Variants in RFFL observed in about 807,000 individuals in gnomAD.
RFFL encodes the protein ring finger and FYVE like domain containing E3 ubiquitin protein ligase, also known as E3 ubiquitin-protein ligase rififylin.
In RFFL, 16 loss-of-function variants were observed where a neutral mutation model predicts 40.4. The observed-to-expected ratio is 0.40, with a 90% CI of 0.27 to 0.60. RFFL has a LOEUF of 0.60. Among genes scored for constraint, RFFL ranks in the 20% least tolerant of loss-of-function variants. The pLI, the probability that RFFL is intolerant of heterozygous loss-of-function variation, is 0.47. For missense variants in RFFL, 367 were observed against 451.7 expected (o/e 0.81, Z 1.70); for synonymous variants, 154 against 167.9 (o/e 0.92, Z 0.64).
At chr17:35,088,087 G>GTGTT (rs1431887560) in intron 1 of RFFL, among the ~76,000 whole-genome samples, 2 of 152,180 alleles carry the variant, frequency 1.3e-5, no homozygotes, top group Non-Finnish European at 2.9e-5. Flanking sequence ...TGCAGCGACA[G>GTGTT]TGGTTAACAG....
chr17:35,031,030 T>C (rs2091079467), intron 1 of RFFL, among the ~76,000 whole-genome samples: 1 of 152,050 alleles, frequency 6.6e-6, no homozygotes. Flanking sequence ...ATAAACCTAA[T>C]AAACCTACAG....
At chr17:35,039,699 C>T (rs1329755162) in intron 1 of RFFL, among the ~76,000 whole-genome samples, 6 of 148,806 alleles carry the variant, frequency 4.0e-5, no homozygotes, top group Admixed American at 6.7e-5. Context: ...TTTTTTGAAA[C>T]GGAATTTCAC....
chr17:35,060,778 G>A (rs1435434369), intron 1 of RFFL, among the ~76,000 whole-genome samples: 7 of 152,112 alleles, frequency 4.6e-5, no homozygotes, highest in Non-Finnish European at 7.4e-5. Flanking sequence ...AAGAATAACG[G>A]TTTGAGCCCG....
chr17:35,050,535 T>C (rs2091225594), intron 1 of RFFL, among the ~76,000 whole-genome samples: 1 of 152,112 alleles, frequency 6.6e-6, no homozygotes, highest in Non-Finnish European at 1.5e-5. Context: ...CTATTTTTAT[T>C]TTTGTAGAAA....
At chr17:35,054,829 G>A (rs1474314118) in intron 1 of RFFL, among the ~76,000 whole-genome samples, 1 of 152,002 alleles carries the variant, frequency 6.6e-6, no homozygotes, top group African/African-American at 2.4e-5. Context: ...TCTGTAAAAT[G>A]AAGTACCTAA....
At chr17:35,057,894 C>T (rs1159755678) in intron 1 of RFFL, among the ~76,000 whole-genome samples, 1 of 151,814 alleles carries the variant, frequency 6.6e-6, no homozygotes, top group Non-Finnish European at 1.5e-5. Flanking sequence ...TTACTGAGTG[C>T]CTTTTATGAG....
chr17:35,019,685 C>A (rs1003991470), intron 3 of RFFL, among the ~76,000 whole-genome samples: 1 of 151,058 alleles, frequency 6.6e-6, no homozygotes, highest in Non-Finnish European at 1.5e-5. Context: ...AGGTTCTTTA[C>A]AGAAAAAGAA....
chr17:35,026,383 C>T lies in RFFL; in HGVS notation c.171G>A (p.Thr57=), dbSNP rs201746738. The T allele has an allele frequency of 3.3e-5, 54 of 1,613,776 alleles. 1 individual carries two copies. In the Admixed American group the frequency reaches 3.5e-4, roughly 10 times the overall value. ...CKSCGAHFAN[T]ARKQTCLDCK... is the part of the protein sequence containing the mutation. ...AGAAGTCAGCACTCACCTTCCTGGC[C>T]GTGTTTGCAAAGTGAGCCCCACAGG... Residue 57 remains threonine (T), a synonymous_variant, in exon 2 of 7, where the codon ACG becomes ACA. Transcript: ENST00000394597.
intron 1 of RFFL, among the ~76,000 whole-genome samples, chr17:35,048,313 A>T (rs2091212208): frequency 1.3e-5 from 2 of 151,898 alleles, no homozygotes; most frequent in South Asian, 2.1e-4. Context: ...GAGACAGGAG[A>T]ACGGTGTGAA....
At chr17:35,052,496 G>GT (rs879776353) in intron 1 of RFFL, among the ~76,000 whole-genome samples, 14 of 151,798 alleles carry the variant, frequency 9.2e-5, no homozygotes, top group Non-Finnish European at 1.8e-4. Context: ...CAAAATCTGG[G>GT]TAAAAAAAAG....
chr17:35,016,620 C>G, intron 4 of RFFL, 40 bp from the exon 5 acceptor site: 2 of 1,531,756 alleles, frequency 1.3e-6, no homozygotes, highest in Non-Finnish European at 9.0e-7. Context: ...TCAGCTCTTA[C>G]CTCCCCAAGC....
Position 35,008,345 on chromosome 17 carries a change from A to G in RFFL, c.*3623T>C, listed in dbSNP as rs1427058218. 1 of 152,226 alleles carries G rather than the reference A, an allele frequency of 6.6e-6. No individual in the cohort carries two copies. Among genetic ancestry groups the G allele is most frequent in the East Asian group, 1.9e-4 (1 of 5,198 alleles). The allele number at this position is 152,226 out of a possible 1,614,324, so 9.4% of individuals were successfully genotyped here. On this transcript the variant is annotated 3_prime_UTR_variant, in exon 7 of 7. Transcript: ENST00000394597. ...AAGTTAGTTAGTTACAACAACACTG[A>G]GCATCTTGACCAAGGTCACTTGGCC...
At chr17:35,049,384 C>G (rs1267896086) in intron 1 of RFFL, among the ~76,000 whole-genome samples, 1 of 152,186 alleles carries the variant, frequency 6.6e-6, no homozygotes, top group East Asian at 1.9e-4. Context: ...CAGAATGGAC[C>G]TGGTTCAAGT....
chr17:35,062,264 G>A (rs973593302), intron 1 of RFFL, among the ~76,000 whole-genome samples: 10 of 152,060 alleles, frequency 6.6e-5, no homozygotes, highest in African/African-American at 9.6e-5. Flanking sequence ...TTAGCTGGGC[G>A]TGGTGGCACG....
At chr17:35,074,768 T>G (rs985166105) in intron 1 of RFFL, among the ~76,000 whole-genome samples, 1 of 152,196 alleles carries the variant, frequency 6.6e-6, no homozygotes, top group Non-Finnish European at 1.5e-5. Context: ...AAGTATCACA[T>G]AGCAAAAGAA....
intron 1 of RFFL, among the ~76,000 whole-genome samples, chr17:35,055,372 T>C (rs2091254536): frequency 6.6e-6 from 1 of 151,922 alleles, no homozygotes; most frequent in African/African-American, 2.4e-5. Context: ...TGGACAGAAA[T>C]ATAACTTTAA....
At chr17:35,058,986 C>A (rs1242090666) in intron 1 of RFFL, among the ~76,000 whole-genome samples, 1 of 151,370 alleles carries the variant, frequency 6.6e-6, no homozygotes, top group African/African-American at 2.4e-5. Context: ...CATTATGGCC[C>A]AGCCACCATG....
intron 1 of RFFL, among the ~76,000 whole-genome samples, chr17:35,083,057 A>G (rs2091410192): frequency 6.6e-6 from 1 of 152,220 alleles, no homozygotes; most frequent in Admixed American, 6.5e-5. Flanking sequence ...TTTGTTACGC[A>G]CCTATTATTT....
chr17:35,009,888 A>G lies in RFFL; in HGVS notation c.*2080T>C, dbSNP rs1225941453. 1 of 152,678 alleles carries G rather than the reference A, an allele frequency of 6.5e-6. No homozygotes were observed. The highest frequency in any genetic ancestry group is 2.4e-5 in the African/African-American group (1 of 41,460). The allele number at this position is 152,678 out of a possible 1,614,324, so 9.5% of individuals were successfully genotyped here. On this transcript the variant is annotated 3_prime_UTR_variant, in exon 7 of 7. Transcript: ENST00000394597. ...GACCTGTTTTACAGAGGAACTGAGT[A>G]GCTGAATGAATGATCCTTTGCTAAT...
Sources: allele counts gnomAD v4.1 joint callset (sites outside exome capture counted in the v4.1 genomes callset), GRCh38; gene constraint gnomAD v4.1.1; transcripts MANE v1.5; gene names NCBI Gene and HGNC (gene_info 2026-07-23, HGNC 2026-07-21).